Variants in AGTPBP1 observed in about 807,000 individuals in gnomAD.
AGTPBP1 encodes cytosolic carboxypeptidase 1.
Under a neutral mutation model 143.9 loss-of-function variants are expected in AGTPBP1, and 70 were observed. That is an observed-to-expected ratio of 0.49 (90% CI 0.40 to 0.59). The LOEUF is 0.59. Ranked by LOEUF, AGTPBP1 falls within the 20% of genes least tolerant of loss-of-function variation. AGTPBP1 has a pLI of 0.00. For missense variants in AGTPBP1, 1,229 were observed against 1,464.5 expected, an observed-to-expected ratio of 0.84 and a Z score of 2.62; for synonymous variants, 463 against 500.2, an observed-to-expected ratio of 0.93 and a Z score of 0.99.
chr9:85,605,886 A>G (rs1164133998), intron 17 of AGTPBP1, among the ~76,000 whole-genome samples: 1 of 152,046 alleles, frequency 6.6e-6, no homozygotes, highest in African/African-American at 2.4e-5. Flanking sequence ...AATCTCAAAA[A>G]ACCTACAACA....
At chr9:85,634,874 T>G (rs1004255151) in intron 13 of AGTPBP1, among the ~76,000 whole-genome samples, 3 of 152,210 alleles carry the variant, frequency 2.0e-5, no homozygotes, top group Admixed American at 6.5e-5. Context: ...CTTGTATTAA[T>G]GTATATTCCC....
At chr9:85,620,762 TG>T (rs1830883207) in intron 15 of AGTPBP1, among the ~76,000 whole-genome samples, 1 of 152,028 alleles carries the variant, frequency 6.6e-6, no homozygotes, top group Admixed American at 6.6e-5. Flanking sequence ...CAGGGTGTGG[TG>T]GGGACTATGG....
At chr9:85,638,178 C>T (rs1336648103) in intron 13 of AGTPBP1, among the ~76,000 whole-genome samples, 1 of 151,886 alleles carries the variant, frequency 6.6e-6, no homozygotes, top group South Asian at 2.1e-4. Context: ...TTAGAATACT[C>T]GAAGTTTCCA....
At chr9:85,711,073 A>C (rs1222042300) in intron 2 of AGTPBP1, among the ~76,000 whole-genome samples, 1 of 152,228 alleles carries the variant, frequency 6.6e-6, no homozygotes, top group Non-Finnish European at 1.5e-5. Flanking sequence ...AACAGATTTA[A>C]CGCATACCAA....
Position 85,637,364 on chromosome 9 carries a change from A to G in AGTPBP1, c.1303-3990T>C, listed in dbSNP as rs1186970435. ...GGCCACCCCAAAAAATTTTGTGCAC[A>G]AAATGTTATCAACTTTACTCATATT... On this transcript the variant is annotated intron_variant, in intron 13 of 25. Coordinates refer to ENST00000357081, the MANE Select transcript of AGTPBP1 (RefSeq NM_001330701.2). Among the ~76,000 whole-genome samples, 5 of 152,134 alleles carry G rather than the reference A, an allele frequency of 3.3e-5. No individual in the cohort carries two copies. In the South Asian group the frequency reaches 8.3e-4, roughly 25 times the overall value.
intron 14 of AGTPBP1, among the ~76,000 whole-genome samples, chr9:85,631,993 A>G (rs1290539641): frequency 6.6e-6 from 1 of 152,172 alleles, no homozygotes; most frequent in Non-Finnish European, 1.5e-5. Flanking sequence ...AATGTTTTCC[A>G]ATTAAAATTG....
chr9:85,715,748 T>C (rs1263061880), intron 1 of AGTPBP1, among the ~76,000 whole-genome samples: 1 of 152,202 alleles, frequency 6.6e-6, no homozygotes, highest in Non-Finnish European at 1.5e-5. Context: ...AAGCTTGTGT[T>C]GATTACAATA....
the AGTPBP1 span, among the ~76,000 whole-genome samples, chr9:85,780,801 A>G: frequency 6.6e-6 from 1 of 152,202 alleles, no homozygotes; most frequent in Non-Finnish European, 1.5e-5. Context: ...CTTTAAATAT[A>G]TAGTCCAGGG....
At chr9:85,678,131 T>C (rs1234910739) in intron 5 of AGTPBP1, among the ~76,000 whole-genome samples, 2 of 152,182 alleles carry the variant, frequency 1.3e-5, no homozygotes, top group Non-Finnish European at 2.9e-5. Context: ...GGCTGTGAAA[T>C]ACATGGCTAT....
At chr9:85,597,237 T>C (rs189193296) in intron 17 of AGTPBP1, among the ~76,000 whole-genome samples, 141 of 152,144 alleles carry the variant, frequency 9.3e-4, no homozygotes, top group African/African-American at 3.2e-3. Context: ...TGAAGCACTA[T>C]TCATTTATTT....
At chr9:85,736,190 T>C (rs946275534) in intron 1 of AGTPBP1, among the ~76,000 whole-genome samples, 1 of 152,206 alleles carries the variant, frequency 6.6e-6, no homozygotes, top group African/African-American at 2.4e-5. Flanking sequence ...GGTATTCAGA[T>C]TACTAATACT....
chr9:85,797,363 G>T, the AGTPBP1 span, among the ~76,000 whole-genome samples: 11 of 152,074 alleles, frequency 7.2e-5, no homozygotes, highest in African/African-American at 2.7e-4. Context: ...TCCTGCCTCA[G>T]TTCCCAAAAT....
intron 17 of AGTPBP1, among the ~76,000 whole-genome samples, chr9:85,598,989 T>G (rs1829477744): frequency 1.3e-5 from 2 of 152,346 alleles, no homozygotes; most frequent in South Asian, 4.1e-4. Flanking sequence ...CCCAGAGTGC[T>G]GGGATTACAG....
At chr9:85,804,577 GTGGGGCGTCTAAT>G in the AGTPBP1 span, among the ~76,000 whole-genome samples, 8,874 of 152,270 alleles carry the variant, frequency 0.058, 840 homozygotes, top group African/African-American at 0.2. Context: ...CATCTTACCT[GTGGGGCGTCTAAT>G]ATTAGTTGAA....
chr9:85,669,533 A>G lies in AGTPBP1; in HGVS notation c.614T>C (p.Met205Thr). 1 of 1,612,404 alleles carries G rather than the reference A, an allele frequency of 6.2e-7. No individual in the cohort carries two copies. Among genetic ancestry groups the G allele is most frequent in the Non-Finnish European group, 8.5e-7 (1 of 1,178,814 alleles). Residue 205 changes from methionine to threonine, a missense_variant, in exon 8 of 26, where the codon ATG becomes ACG. This residue lies in a region of AGTPBP1 where 743 missense variants were observed against 812.2 expected (regional missense o/e 0.91). Coordinates refer to ENST00000357081, the MANE Select transcript of AGTPBP1 (RefSeq NM_001330701.2). ...SLGKNGVVEL[M>T]FKIIGPFSKK... ...ACTAAATGGTCCAATGATTTTAAAC[A>G]TCAGTTCCACAACTCCATTTTTCCC... is the stretch of plus-strand genomic sequence containing the variant.
At chr9:85,785,707 G>A in the AGTPBP1 span, 1 of 165,946 alleles carries the variant, frequency 6.0e-6, no homozygotes, top group Admixed American at 6.1e-5. Context: ...CTCGAGATAT[G>A]GGGCAGAGCC....
At chr9:85,638,660 A>G (rs1438220073) in intron 13 of AGTPBP1, among the ~76,000 whole-genome samples, 3 of 151,990 alleles carry the variant, frequency 2.0e-5, no homozygotes, top group Non-Finnish European at 4.4e-5. Flanking sequence ...AATATTTTTT[A>G]AAGTACTTTT....
chr9:85,744,128 C>G (rs1206398019), upstream of AGTPBP1, among the ~76,000 whole-genome samples: 3 of 151,864 alleles, frequency 2.0e-5, no homozygotes, highest in Non-Finnish European at 4.4e-5. Flanking sequence ...GTCGGGGTCT[C>G]CCTAAGTCAC....
chr9:85,573,517 G>T (rs765297001), intron 25 of AGTPBP1, among the ~76,000 whole-genome samples: 7 of 152,210 alleles, frequency 4.6e-5, no homozygotes, highest in African/African-American at 1.7e-4. Context: ...GCCTCTGCCT[G>T]GCCGCCACCC....
Sources: allele counts gnomAD v4.1 joint callset (sites outside exome capture counted in the v4.1 genomes callset), GRCh38; gene constraint gnomAD v4.1.1; regional missense constraint gnomAD v4.1.1; transcripts MANE v1.5; gene names NCBI Gene and HGNC (gene_info 2026-07-23, HGNC 2026-07-21).